Variants in OR56A3 observed in about 807,000 individuals in gnomAD.
OR56A3 encodes olfactory receptor 56A3.
A neutral mutation model predicts 17.5 loss-of-function variants in OR56A3; 23 were observed. The observed-to-expected ratio is 1.32, with a 90% confidence interval of 0.95 to 1.87. The LOEUF (loss-of-function observed/expected upper bound fraction) is 1.87, where lower values mean the gene tolerates loss of function less well. Among genes scored for constraint, OR56A3 ranks in the 40% most tolerant of loss-of-function variants. The pLI is 0.00. For synonymous variants in OR56A3, 175 were observed against 150.6 expected, an observed-to-expected ratio of 1.16 and a Z score of -1.19; for missense variants, 366 against 380.1, an observed-to-expected ratio of 0.96 and a Z score of 0.31.
At position 5,947,320 on chromosome 11, in the gene OR56A3, A is replaced by T; in HGVS notation, c.-27A>T. 6.5e-7 allele frequency: 1 copy of T among 1,536,404 alleles called. No individual in the cohort carries two copies. The highest frequency in any genetic ancestry group is 8.8e-7 in the Non-Finnish European group (1 of 1,135,744). On this transcript the variant is annotated 5_prime_UTR_variant, in exon 3 of 3. In the 5' UTR this introduces an upstream ATG that the reference lacks. Coordinates refer to ENST00000641160, the MANE Select transcript of OR56A3 (RefSeq NM_001003443.3). ...AATCATAATTTTCCAGATCACTGAA[A>T]GAAAGCAGTAAAATATATGGGAAAA...
In OR56A3 at chr11:5,948,345, C is replaced by A; in HGVS notation, c.*51C>A. The A allele has an allele frequency of 7.8e-7, 1 of 1,278,014 alleles. No homozygotes were observed. The highest frequency in any genetic ancestry group is 1.1e-6 in the Non-Finnish European group (1 of 901,638). The allele number at this position is 1,278,014 out of a possible 1,614,324, so 79.2% of individuals were successfully genotyped here. A position where few individuals can be genotyped will look rare whatever the true frequency, so the allele number is the denominator to read the frequency against. ...CTAAAATAAGATAATTTATTAATCA[C>A]TTAATGAGTGAGTGGGCTGAAATTC... On this transcript the variant is annotated 3_prime_UTR_variant, in exon 3 of 3. Coordinates refer to ENST00000641160, the MANE Select transcript of OR56A3 (RefSeq NM_001003443.3).
chr11:5,996,649 T>A, the OR56A3 span, among the ~76,000 whole-genome samples: 1 of 152,182 alleles, frequency 6.6e-6, no homozygotes, highest in African/African-American at 2.4e-5. Flanking sequence ...TAACAAAGGA[T>A]GACGAAAGGT....
the OR56A3 span, chr11:5,968,131 C>A: frequency 6.2e-7 from 1 of 1,614,144 alleles, no homozygotes; most frequent in South Asian, 1.1e-5. Context: ...CGGTCATAGG[C>A]CATGATCATG....
At chr11:6,010,817 A>ATGTGTG in the OR56A3 span, among the ~76,000 whole-genome samples, 13 of 149,766 alleles carry the variant, frequency 8.7e-5, no homozygotes, top group Admixed American at 1.3e-4. Flanking sequence ...CAAGACAGAA[A>ATGTGTG]TGTGTGTGTG....
chr11:6,013,577 T>C, the OR56A3 span, among the ~76,000 whole-genome samples: 1 of 152,128 alleles, frequency 6.6e-6, no homozygotes, highest in South Asian at 2.1e-4. Flanking sequence ...TGAGTTTTGC[T>C]TGGGCCCACT....
At chr11:5,963,097 G>T in the OR56A3 span, among the ~76,000 whole-genome samples, 1 of 151,770 alleles carries the variant, frequency 6.6e-6, no homozygotes, top group East Asian at 1.9e-4. Flanking sequence ...TCTTAGTTTA[G>T]CTAAAGGCTT....
chr11:6,001,057 T>TC, the OR56A3 span: 1 of 152,228 alleles, frequency 6.6e-6, no homozygotes, highest in Admixed American at 6.5e-5. Flanking sequence ...TCCTTGGAGA[T>TC]ACTGAACTGT....
the OR56A3 span, among the ~76,000 whole-genome samples, chr11:5,996,897 T>C: frequency 6.6e-6 from 1 of 152,214 alleles, no homozygotes; most frequent in African/African-American, 2.4e-5. Flanking sequence ...GGAAAAGGTT[T>C]TCTGTCCCAG....
At chr11:5,987,615 G>A in the OR56A3 span, among the ~76,000 whole-genome samples, 1 of 151,936 alleles carries the variant, frequency 6.6e-6, no homozygotes, top group South Asian at 2.1e-4. Flanking sequence ...TTCTACTTAT[G>A]TTTTGGCAAT....
At chr11:5,977,224 A>G in the OR56A3 span, among the ~76,000 whole-genome samples, 1 of 152,306 alleles carries the variant, frequency 6.6e-6, no homozygotes, top group South Asian at 2.1e-4. Flanking sequence ...CTTTGGATAT[A>G]TATCCAATAA....
chr11:5,982,687 G>T, the OR56A3 span, among the ~76,000 whole-genome samples: 1 of 152,148 alleles, frequency 6.6e-6, no homozygotes, highest in Admixed American at 6.5e-5. Context: ...TTCCACTGCA[G>T]CCAGTCCCAT....
chr11:5,945,216 TG>T (rs1302605877), intron 2 of OR56A3, 134 bp downstream of exon 2: 3 of 152,166 alleles, frequency 2.0e-5, no homozygotes, highest in African/African-American at 7.2e-5. Context: ...CTATCAATTG[TG>T]TTTTGGGTAA....
the OR56A3 span, among the ~76,000 whole-genome samples, chr11:5,971,510 T>C: frequency 2.0e-5 from 3 of 152,172 alleles, no homozygotes; most frequent in African/African-American, 7.2e-5. Flanking sequence ...AATTATCTGA[T>C]TCAATTCCTC....
At chr11:5,961,617 C>T in the OR56A3 span, among the ~76,000 whole-genome samples, 1 of 152,070 alleles carries the variant, frequency 6.6e-6, no homozygotes, top group Non-Finnish European at 1.5e-5. Context: ...CTGAGGAAGG[C>T]GGCAGGGCCC....
the OR56A3 span, among the ~76,000 whole-genome samples, chr11:6,016,197 C>A: frequency 6.6e-6 from 1 of 152,140 alleles, no homozygotes; most frequent in African/African-American, 2.4e-5. Context: ...CTCTCTCGGT[C>A]CTGCTCTTGC....
At chr11:6,012,807 C>G in the OR56A3 span, among the ~76,000 whole-genome samples, 1 of 152,258 alleles carries the variant, frequency 6.6e-6, no homozygotes, top group African/African-American at 2.4e-5. Flanking sequence ...CAGCACCTCC[C>G]TCAGCTTTCC....
the OR56A3 span, chr11:5,986,910 G>A: frequency 2.5e-6 from 4 of 1,610,834 alleles, no homozygotes; most frequent in Non-Finnish European, 3.4e-6. Context: ...AGAGGAAAGA[G>A]AAAAAAGAAA....
chr11:5,954,857 C>G (rs1847924799), downstream of OR56A3, among the ~76,000 whole-genome samples: 1 of 152,002 alleles, frequency 6.6e-6, no homozygotes, highest in Non-Finnish European at 1.5e-5. Flanking sequence ...AAAGTCTTCC[C>G]AAGTTTCAAG....
chr11:5,980,782 G>A, the OR56A3 span, among the ~76,000 whole-genome samples: 1 of 152,140 alleles, frequency 6.6e-6, no homozygotes, highest in African/African-American at 2.4e-5. Context: ...AATAGTCTAT[G>A]TACTTAAGTG....
Sources: allele counts gnomAD v4.1 joint callset (sites outside exome capture counted in the v4.1 genomes callset), GRCh38; gene constraint gnomAD v4.1.1; transcripts MANE v1.5; gene names NCBI Gene and HGNC (gene_info 2026-07-23, HGNC 2026-07-21).